CD2AP: variants seen among roughly 807,000 people sequenced by gnomAD.
CD2AP encodes the protein CD2-associated protein.
In CD2AP, 46 loss-of-function variants were observed where a neutral mutation model predicts 85.1. The observed-to-expected ratio is 0.54, with a 90% CI of 0.43 to 0.69. The LOEUF is 0.69. Among genes scored for constraint, CD2AP ranks in the 30% least tolerant of loss-of-function variants. The probability of loss-of-function intolerance (pLI) is 0.00; values close to 1 mark genes in which losing one functional copy is unlikely to be tolerated. For synonymous variants in CD2AP, 255 were observed against 252.9 expected, an observed-to-expected ratio of 1.01 and a Z score of -0.08; for missense variants, 769 against 729.5, an observed-to-expected ratio of 1.05 and a Z score of -0.62.
intron 17 of CD2AP, among the ~76,000 whole-genome samples, chr6:47,615,010 C>T (rs546313313): frequency 6.6e-6 from 1 of 152,262 alleles, no homozygotes; most frequent in East Asian, 1.9e-4. Flanking sequence ...TTCTGCATAT[C>T]TCAGAGAAAG....
intron 3 of CD2AP, among the ~76,000 whole-genome samples, chr6:47,535,806 C>A (rs756106744): frequency 6.6e-6 from 1 of 152,048 alleles, no homozygotes; most frequent in Non-Finnish European, 1.5e-5. Context: ...TTTAGGCCCA[C>A]GGGAGGTTTT....
At chr6:47,623,347 C>T (rs1373166226) in intron 17 of CD2AP, among the ~76,000 whole-genome samples, 6 of 152,150 alleles carry the variant, frequency 3.9e-5, no homozygotes, top group Non-Finnish European at 7.3e-5. Context: ...CTATATATTT[C>T]CTCATGCAGG....
At chr6:47,585,483 C>G (rs919135904) in intron 11 of CD2AP, among the ~76,000 whole-genome samples, 2 of 152,142 alleles carry the variant, frequency 1.3e-5, no homozygotes, top group African/African-American at 4.8e-5. Context: ...CACTGTGACA[C>G]TGAAGTGAGA....
chr6:47,589,543 C>CGT (rs1768725867), intron 11 of CD2AP, among the ~76,000 whole-genome samples: 1 of 95,084 alleles, frequency 1.1e-5, no homozygotes, highest in African/African-American at 3.9e-5. Flanking sequence ...CATATGTACA[C>CGT]ATATATATAC....
intron 5 of CD2AP, among the ~76,000 whole-genome samples, chr6:47,555,626 T>G (rs1490096574): frequency 6.6e-6 from 1 of 152,194 alleles, no homozygotes; most frequent in Non-Finnish European, 1.5e-5. Context: ...AGTTGTAAGA[T>G]TGCTCAGACT....
In CD2AP at chr6:47,574,252, G is replaced by C; in HGVS notation, c.729+1G>C. 1 of 1,613,160 alleles carries C rather than the reference G, an allele frequency of 6.2e-7. No homozygotes were observed. Among genetic ancestry groups the C allele is most frequent in the African/African-American group, 1.3e-5 (1 of 75,016 alleles). On this transcript the variant is annotated splice_donor_variant, in intron 6 of 17. Transcript: ENST00000359314. LOFTEE classifies it high-confidence loss of function. ...AACAGAAGAGAAAAAACCAGAAAAGGTGGTAATGATGGACTTGTTAGATTA... is the reference window on the plus strand; with the variant it reads ...AACAGAAGAGAAAAAACCAGAAAAGCTGGTAATGATGGACTTGTTAGATTA...
At position 47,513,893 on chromosome 6, in the gene CD2AP, G is replaced by T. The variant is rs186765227; in HGVS notation, c.165+10453G>T. Among the ~76,000 whole-genome samples, 452 of 135,254 alleles carry T rather than the reference G, an allele frequency of 3.3e-3. 3 individuals carry two copies. The highest frequency in any genetic ancestry group is 0.012 in the African/African-American group (417 of 34,392). 88.7% of individuals were successfully genotyped at this position (135,254 alleles called of 152,430 possible). A position where few individuals can be genotyped will look rare whatever the true frequency, so the allele number is the denominator to read the frequency against. ...CAGACTTTAAAAAAAATTTTTTTTTGGGGGGGGGGCTAGCCTTACAGATGT... is the reference window on the plus strand; with the variant it reads ...CAGACTTTAAAAAAAATTTTTTTTTTGGGGGGGGGCTAGCCTTACAGATGT... On this transcript the variant is annotated intron_variant, in intron 2 of 17. Coordinates refer to ENST00000359314, the MANE Select transcript of CD2AP (RefSeq NM_012120.3).
intron 11 of CD2AP, among the ~76,000 whole-genome samples, chr6:47,585,149 A>C (rs1195098460): frequency 6.6e-6 from 1 of 151,734 alleles, no homozygotes; most frequent in Non-Finnish European, 1.5e-5. Flanking sequence ...ATAAAAAAAA[A>C]AAAACCAGCT....
At chr6:47,562,826 GTGC>G in intron 5 of CD2AP, 1 of 1,126,054 alleles carries the variant, frequency 8.9e-7, no homozygotes, top group South Asian at 1.2e-5. Context: ...GAGGCCCTTG[GTGC>G]TGAACACCAA....
At chr6:47,563,602 A>G (rs149236155) in intron 5 of CD2AP, among the ~76,000 whole-genome samples, 24 of 152,306 alleles carry the variant, frequency 1.6e-4, no homozygotes, top group Non-Finnish European at 2.8e-4. Flanking sequence ...GTACAGTATT[A>G]TGCTCTACCA....
At chr6:47,500,319 T>C (rs535333456) in intron 1 of CD2AP, among the ~76,000 whole-genome samples, 1 of 152,280 alleles carries the variant, frequency 6.6e-6, no homozygotes, top group East Asian at 1.9e-4. Context: ...GAGCCTACGT[T>C]TTCTGAATTT....
chr6:47,609,663 C>T (rs189500066), intron 16 of CD2AP: 81 of 181,068 alleles, frequency 4.5e-4, no homozygotes, highest in Non-Finnish European at 6.1e-4. Context: ...CATGCCAGTG[C>T]GCTCCAGCCT....
intron 4 of CD2AP, among the ~76,000 whole-genome samples, chr6:47,547,243 A>G (rs896924504): frequency 2.6e-5 from 4 of 152,220 alleles, no homozygotes; most frequent in African/African-American, 9.6e-5. Flanking sequence ...TCCATTTGAC[A>G]TATACAGAAT....
intron 11 of CD2AP, among the ~76,000 whole-genome samples, chr6:47,592,724 C>T (rs772446333): frequency 5.0e-4 from 76 of 152,146 alleles, no homozygotes; most frequent in Non-Finnish European, 8.5e-4. Flanking sequence ...TTAGAGAGCT[C>T]ATGGGTTTGT....
intron 1 of CD2AP, among the ~76,000 whole-genome samples, chr6:47,484,186 A>G (rs948304318): frequency 1.3e-5 from 2 of 152,138 alleles, no homozygotes; most frequent in African/African-American, 2.4e-5. Context: ...CAGTAGAGAC[A>G]TTTATTATGT....
chr6:47,551,681 C>G (rs1219253626), intron 4 of CD2AP, among the ~76,000 whole-genome samples: 1 of 152,136 alleles, frequency 6.6e-6, no homozygotes, highest in African/African-American at 2.4e-5. Flanking sequence ...GCCTGTGAGT[C>G]AAGAATTCAG....
intron 1 of CD2AP, among the ~76,000 whole-genome samples, chr6:47,501,068 A>T (rs2113978532): frequency 6.6e-6 from 1 of 152,114 alleles, no homozygotes; most frequent in South Asian, 2.1e-4. Context: ...TTTAAAGTCA[A>T]ATAAAACCTT....
intron 5 of CD2AP, among the ~76,000 whole-genome samples, chr6:47,564,058 C>A (rs144041826): frequency 5.3e-5 from 8 of 152,220 alleles, no homozygotes; most frequent in African/African-American, 1.9e-4. Flanking sequence ...GATGTACTTT[C>A]ACTATTTTAT....
At chr6:47,491,726 C>T (rs185280447) in intron 1 of CD2AP, among the ~76,000 whole-genome samples, 31 of 151,782 alleles carry the variant, frequency 2.0e-4, no homozygotes, top group Admixed American at 1.8e-3. Flanking sequence ...ATATTGCCAC[C>T]AATATTTTTG....
Sources: gnomAD v4.1 joint callset for allele counts (sites outside exome capture counted in the v4.1 genomes callset) on GRCh38, gnomAD v4.1.1 for gene constraint, MANE v1.5 for transcripts, NCBI Gene and HGNC (gene_info 2026-07-23, HGNC 2026-07-21) for gene names.